The following ROBO2 variants were observed in gnomAD, a reference collection of about 807,000 sequenced individuals.
ROBO2 encodes the protein roundabout guidance receptor 2.
A neutral mutation model predicts 160.8 loss-of-function variants in ROBO2; 53 were observed. The ratio of observed to expected loss-of-function variants is 0.33; its 90% confidence interval spans 0.26 to 0.41. The LOEUF is 0.41. Ranked by LOEUF, ROBO2 falls within the 10% of genes least tolerant of loss-of-function variation. The pLI is 1.00. For missense variants in ROBO2, 1,577 were observed against 1,722.4 expected (o/e 0.92, Z 1.49); for synonymous variants, 664 against 611.7 (o/e 1.09, Z -1.26).
chr3:76,984,502 ACT>A (rs1377832869), intron 2 of ROBO2, among the ~76,000 whole-genome samples: 11 of 152,080 alleles, frequency 7.2e-5, no homozygotes, highest in South Asian at 2.1e-4. Context: ...GGGTATCCAC[ACT>A]CTACCACACC....
At chr3:76,776,729 A>G (rs961333719) in intron 2 of ROBO2, among the ~76,000 whole-genome samples, 3 of 151,028 alleles carry the variant, frequency 2.0e-5, no homozygotes, top group Non-Finnish European at 4.5e-5. Context: ...AATGGAGCAC[A>G]TATAGCAGAG....
At chr3:76,307,172 A>C (rs910321953) in intron 2 of ROBO2, among the ~76,000 whole-genome samples, 3 of 152,130 alleles carry the variant, frequency 2.0e-5, no homozygotes, top group Non-Finnish European at 4.4e-5. Context: ...AACCATGCTC[A>C]TGCTATTTCC....
At chr3:77,466,513 G>A (rs1201027977) in intron 2 of ROBO2, among the ~76,000 whole-genome samples, 1 of 152,098 alleles carries the variant, frequency 6.6e-6, no homozygotes, top group Non-Finnish European at 1.5e-5. Context: ...ACCTCCAATG[G>A]TTATGGTTAC....
At chr3:76,969,122 G>T (rs1475082675) in intron 2 of ROBO2, among the ~76,000 whole-genome samples, 1 of 152,114 alleles carries the variant, frequency 6.6e-6, no homozygotes, top group Non-Finnish European at 1.5e-5. Context: ...CTATCAACTG[G>T]TTCAAGGAGC....
chr3:76,918,639 C>T (rs530018760), intron 2 of ROBO2, among the ~76,000 whole-genome samples: 5 of 152,208 alleles, frequency 3.3e-5, no homozygotes, highest in Admixed American at 3.3e-4. Flanking sequence ...GTTCATTTGC[C>T]TATGCATTTA....
At chr3:76,429,228 A>G (rs2076341076) in intron 2 of ROBO2, among the ~76,000 whole-genome samples, 1 of 151,914 alleles carries the variant, frequency 6.6e-6, no homozygotes, top group African/African-American at 2.4e-5. Context: ...GGAACAATAC[A>G]ATGTATTGTA....
At chr3:76,851,220 A>T (rs969304439) in intron 2 of ROBO2, among the ~76,000 whole-genome samples, 20 of 152,190 alleles carry the variant, frequency 1.3e-4, no homozygotes, top group African/African-American at 4.3e-4. Flanking sequence ...AATTCTAATC[A>T]ATTAAAATCA....
chr3:76,096,826 C>A (rs766827893), intron 2 of ROBO2, among the ~76,000 whole-genome samples: 14 of 152,036 alleles, frequency 9.2e-5, no homozygotes, highest in Non-Finnish European at 1.9e-4. Context: ...ATTGTAGAGA[C>A]GAGTTAATGA....
At chr3:75,999,688 T>C (rs1317443394) in intron 2 of ROBO2, among the ~76,000 whole-genome samples, 1 of 152,178 alleles carries the variant, frequency 6.6e-6, no homozygotes, top group Non-Finnish European at 1.5e-5. Flanking sequence ...TCACATTCTC[T>C]GCAGTTAATC....
intron 20 of ROBO2, chr3:77,602,890 A>G (rs562364758): frequency 2.2e-6 from 1 of 463,266 alleles, no homozygotes; most frequent in Non-Finnish European, 4.3e-6. Flanking sequence ...TGTGCTGTGA[A>G]CTAATCACAT....
chr3:76,997,943 A>C (rs892731411), intron 2 of ROBO2, among the ~76,000 whole-genome samples: 1 of 152,060 alleles, frequency 6.6e-6, no homozygotes, highest in African/African-American at 2.4e-5. Context: ...AACTAGCCAG[A>C]GCTTGTTCAC....
chr3:77,539,154 A>G (rs1005875175), intron 6 of ROBO2, among the ~76,000 whole-genome samples: 1 of 152,142 alleles, frequency 6.6e-6, no homozygotes, highest in Non-Finnish European at 1.5e-5. Context: ...TCCAGAGCTC[A>G]GACAATCCAC....
At chr3:77,315,012 C>G (rs1035571430) in intron 2 of ROBO2, among the ~76,000 whole-genome samples, 1 of 152,004 alleles carries the variant, frequency 6.6e-6, no homozygotes, top group African/African-American at 2.4e-5. Context: ...CATAAATATT[C>G]TGAATAATAA....
At chr3:76,255,252 A>G (rs1706283547) in intron 2 of ROBO2, among the ~76,000 whole-genome samples, 1 of 152,170 alleles carries the variant, frequency 6.6e-6, no homozygotes, top group African/African-American at 2.4e-5. Context: ...GAGAATGCAT[A>G]AGATTGCCTG....
At chr3:77,637,801 A>G (rs1017714674) in intron 24 of ROBO2, among the ~76,000 whole-genome samples, 10 of 152,226 alleles carry the variant, frequency 6.6e-5, no homozygotes, top group Non-Finnish European at 1.5e-5. Context: ...AATCAACAAA[A>G]TACAGATCTC....
intron 2 of ROBO2, among the ~76,000 whole-genome samples, chr3:76,090,633 G>A (rs546546906): frequency 1.8e-4 from 28 of 152,186 alleles, no homozygotes; most frequent in African/African-American, 5.1e-4. Context: ...AATCAGAATC[G>A]CCAATTTAAT....
chr3:76,717,320 C>T lies in ROBO2; in HGVS notation c.110-380694C>T, dbSNP rs573839511. On this transcript the variant is annotated intron_variant, in intron 2 of 26. Coordinates refer to the ROBO2 transcript ENST00000487694. ...CAGACTGGCCAAGATGGTGAAACCC[C>T]GTCTCAACTAAAAATACAAAAATTA... 2.5e-3 allele frequency among the ~76,000 whole-genome samples: 383 copies of T among 151,918 alleles called. 2 individuals carry two copies. Among genetic ancestry groups the T allele is most frequent in the African/African-American group, 8.8e-3 (366 of 41,436 alleles).
intron 2 of ROBO2, among the ~76,000 whole-genome samples, chr3:77,183,167 T>C (rs7427192): frequency 0.075 from 11,424 of 152,068 alleles, 492 homozygotes; most frequent in African/African-American, 0.11. Context: ...TTGTATTTGT[T>C]CTAGCCTCCA....
chr3:76,180,848 A>C (rs953968561), intron 2 of ROBO2, among the ~76,000 whole-genome samples: 1 of 152,040 alleles, frequency 6.6e-6, no homozygotes, highest in East Asian at 1.9e-4. Context: ...CCATCCTACA[A>C]GGCCCTGAAT....
Sources: gnomAD v4.1 joint callset for allele counts (sites outside exome capture counted in the v4.1 genomes callset) on GRCh38, gnomAD v4.1.1 for gene constraint, MANE v1.5 for transcripts, NCBI Gene and HGNC (gene_info 2026-07-23, HGNC 2026-07-21) for gene names.